The following RUNDC3B variants were observed in gnomAD, a reference collection of about 807,000 sequenced individuals.
The protein encoded by RUNDC3B is RUN domain containing 3B.
Under a neutral mutation model 58.4 loss-of-function variants are expected in RUNDC3B, and 33 were observed. That is an observed-to-expected ratio of 0.56 (90% CI 0.43 to 0.75). The LOEUF (loss-of-function observed/expected upper bound fraction) is 0.75, where lower values mean the gene tolerates loss of function less well. RUNDC3B is among the 30% of genes least tolerant of loss of function. The pLI, the probability that RUNDC3B is intolerant of heterozygous loss-of-function variation, is 0.00. For missense variants in RUNDC3B, 501 were observed against 535.7 expected (o/e 0.94, Z 0.64); for synonymous variants, 193 against 195.2 (o/e 0.99, Z 0.10).
chr7:87,653,671 C>T (rs904558301), intron 2 of RUNDC3B, among the ~76,000 whole-genome samples: 3 of 151,740 alleles, frequency 2.0e-5, no homozygotes, highest in Non-Finnish European at 2.9e-5. Flanking sequence ...TTTTCAAATG[C>T]GAGCCTAATA....
chr7:87,807,366 T>C lies in RUNDC3B; in HGVS notation c.957-7T>C, dbSNP rs1836490059. The C allele has an allele frequency of 6.2e-7, 1 of 1,613,006 alleles. No individual in the cohort carries two copies. Among genetic ancestry groups the C allele is most frequent in the Non-Finnish European group, 8.5e-7 (1 of 1,179,430 alleles). On this transcript the variant is annotated splice_region_variant and splice_polypyrimidine_tract_variant and intron_variant, in intron 8 of 10. Coordinates refer to ENST00000394654, the MANE Select transcript of RUNDC3B (RefSeq NM_001134405.2). ...GACAAAAGCACTCACCATCTTAATATTCACAGGACTGTGCTAAAGAATAAT... is the reference window on the plus strand; with the variant it reads ...GACAAAAGCACTCACCATCTTAATACTCACAGGACTGTGCTAAAGAATAAT...
intron 6 of RUNDC3B, among the ~76,000 whole-genome samples, chr7:87,742,391 A>G (rs1379661610): frequency 6.6e-6 from 1 of 152,092 alleles, no homozygotes; most frequent in Non-Finnish European, 1.5e-5. Flanking sequence ...AAAGTCCACA[A>G]TATCATTCTT....
At chr7:87,781,696 G>A (rs1458405559) in intron 8 of RUNDC3B, among the ~76,000 whole-genome samples, 1 of 152,030 alleles carries the variant, frequency 6.6e-6, no homozygotes, top group East Asian at 1.9e-4. Context: ...ATCATGAAGG[G>A]ATGTTGGATT....
chr7:87,814,880 GA>G (rs1462395335), intron 9 of RUNDC3B, among the ~76,000 whole-genome samples: 2 of 151,986 alleles, frequency 1.3e-5, no homozygotes, highest in Non-Finnish European at 2.9e-5. Flanking sequence ...TTCTTAGAGG[GA>G]AAAACAAATA....
At chr7:87,694,753 G>A (rs912623505) in intron 2 of RUNDC3B, among the ~76,000 whole-genome samples, 5 of 151,916 alleles carry the variant, frequency 3.3e-5, no homozygotes, top group African/African-American at 4.8e-5. Flanking sequence ...TAATGCTGGT[G>A]GAAGGGAAAA....
intron 8 of RUNDC3B, among the ~76,000 whole-genome samples, chr7:87,791,747 A>C (rs903715532): frequency 6.6e-6 from 1 of 152,080 alleles, no homozygotes; most frequent in Non-Finnish European, 1.5e-5. Flanking sequence ...AAGAAATCAA[A>C]CCATAACACC....
intron 3 of RUNDC3B, among the ~76,000 whole-genome samples, chr7:87,708,920 C>G (rs561610446): frequency 6.6e-6 from 1 of 152,246 alleles, no homozygotes; most frequent in African/African-American, 2.4e-5. Context: ...ATCTTGATTA[C>G]TTTTACTTAT....
intron 2 of RUNDC3B, among the ~76,000 whole-genome samples, chr7:87,676,825 G>A (rs1367713108): frequency 1.3e-5 from 2 of 151,728 alleles, no homozygotes; most frequent in Non-Finnish European, 2.9e-5. Flanking sequence ...ATAAAAATGG[G>A]CAGAGGATCA....
intron 4 of RUNDC3B, among the ~76,000 whole-genome samples, chr7:87,735,401 T>C (rs2068201962): frequency 6.6e-6 from 1 of 152,182 alleles, no homozygotes; most frequent in Admixed American, 6.6e-5. Flanking sequence ...CCATCTAGCT[T>C]CCAGCTGATC....
At chr7:87,633,892 G>A (rs1821474217) in intron 1 of RUNDC3B, among the ~76,000 whole-genome samples, 1 of 152,262 alleles carries the variant, frequency 6.6e-6, no homozygotes, top group African/African-American at 2.4e-5. Context: ...CTGAGGTGGG[G>A]TAGTTTATAA....
intron 3 of RUNDC3B, among the ~76,000 whole-genome samples, chr7:87,702,461 G>A (rs143151264): frequency 1.8e-4 from 27 of 151,986 alleles, no homozygotes; most frequent in Admixed American, 1.0e-3. Flanking sequence ...TAAATTTTTT[G>A]TAGAGATAAT....
intron 2 of RUNDC3B, among the ~76,000 whole-genome samples, chr7:87,676,559 C>T: frequency 6.6e-6 from 1 of 151,946 alleles, no homozygotes. Flanking sequence ...CAATAATTAG[C>T]CAGGTATAGT....
chr7:87,706,214 T>C (rs1368180756), intron 3 of RUNDC3B, among the ~76,000 whole-genome samples: 3 of 152,196 alleles, frequency 2.0e-5, no homozygotes, highest in Non-Finnish European at 4.4e-5. Flanking sequence ...CTAAGCAAGC[T>C]GAAGAATACA....
chr7:87,783,517 G>A (rs1349834468), intron 8 of RUNDC3B, among the ~76,000 whole-genome samples: 2 of 151,998 alleles, frequency 1.3e-5, no homozygotes, highest in African/African-American at 2.4e-5. Flanking sequence ...GGTTAATATC[G>A]CTATGTGATG....
intron 2 of RUNDC3B, among the ~76,000 whole-genome samples, chr7:87,682,649 T>G (rs1243339200): frequency 6.6e-6 from 1 of 152,210 alleles, no homozygotes; most frequent in Non-Finnish European, 1.5e-5. Flanking sequence ...ATCAAAACAA[T>G]GGGCTTTGAA....
rs1220830907 is a variant in RUNDC3B at position 87,754,802 on chromosome 7, A to G, written c.629+13223A>G. ...AAAATAACTATGAATACCTCTATGCAGGCAAACTAGAAAACCTACAGGAGA... is the reference window on the plus strand; with the variant it reads ...AAAATAACTATGAATACCTCTATGCGGGCAAACTAGAAAACCTACAGGAGA... On this transcript the variant is annotated intron_variant, in intron 6 of 10. Coordinates refer to ENST00000394654, the MANE Select transcript of RUNDC3B (RefSeq NM_001134405.2). Among the ~76,000 whole-genome samples the G allele has an allele frequency of 2.0e-5, 3 of 152,152 alleles. No individual in the cohort carries two copies. The East Asian group carries it at 5.8e-4, about 29-fold the overall frequency.
intron 9 of RUNDC3B, among the ~76,000 whole-genome samples, chr7:87,810,059 T>C (rs1836630203): frequency 1.3e-5 from 2 of 151,632 alleles, no homozygotes; most frequent in African/African-American, 4.9e-5. Context: ...TTAATGATAG[T>C]AGATGATTTT....
intron 2 of RUNDC3B, among the ~76,000 whole-genome samples, chr7:87,655,167 T>C (rs1349483531): frequency 6.6e-6 from 1 of 151,996 alleles, no homozygotes; most frequent in Admixed American, 6.6e-5. Flanking sequence ...TTCTATGTGA[T>C]TAAATAAAAA....
intron 6 of RUNDC3B, among the ~76,000 whole-genome samples, chr7:87,750,187 G>A (rs988510625): frequency 6.6e-6 from 1 of 152,132 alleles, no homozygotes; most frequent in Non-Finnish European, 1.5e-5. Context: ...TTTCATCCAT[G>A]TCCCTACAAA....
Sources: gnomAD v4.1 joint callset for allele counts (sites outside exome capture counted in the v4.1 genomes callset) on GRCh38, gnomAD v4.1.1 for gene constraint, MANE v1.5 for transcripts, NCBI Gene and HGNC (gene_info 2026-07-23, HGNC 2026-07-21) for gene names.